KAT14: variants seen among roughly 807,000 people sequenced by gnomAD.
KAT14 encodes cysteine-rich protein 2-binding protein.
In KAT14, 66 loss-of-function variants were observed where a neutral mutation model predicts 78.4. The ratio of observed to expected loss-of-function variants is 0.84; its 90% confidence interval spans 0.69 to 1.03. The LOEUF (loss-of-function observed/expected upper bound fraction) is 1.03. KAT14 is among the 50% of genes least tolerant of loss of function. KAT14 has a pLI of 0.00. For synonymous variants in KAT14, 344 were observed against 359.4 expected, an observed-to-expected ratio of 0.96 and a Z score of 0.48; for missense variants, 870 against 972.5, an observed-to-expected ratio of 0.89 and a Z score of 1.40.
At position 18,150,879 on chromosome 20, in the gene KAT14, TC is replaced by T. The variant is rs1355817421; in HGVS notation, c.438del (p.Phe146LeufsTer19). The part of the protein sequence containing the change: ...SLEGSGRQGY[F>X]RWKEDICAFI... ...GAAGGAAGTGGACGTCAAGGTTATT[TC>T]AGGTGGAAAGAAGATATCTGTGCTT... On this transcript the variant is annotated frameshift_variant, in exon 4 of 11. Coordinates refer to ENST00000688188, the MANE Select transcript of KAT14 (RefSeq NM_001392073.1). LOFTEE classifies it high-confidence loss of function. 1.2e-6 allele frequency: 2 copies of T among 1,614,222 alleles called. No individual in the cohort carries two copies. Among genetic ancestry groups the T allele is most frequent in the Non-Finnish European group, 1.7e-6 (2 of 1,180,046 alleles).
intron 1 of KAT14, among the ~76,000 whole-genome samples, chr20:18,140,346 T>G (rs1461192713): frequency 6.6e-6 from 1 of 152,018 alleles, no homozygotes; most frequent in Non-Finnish European, 1.5e-5. Context: ...ATCCCGGGAC[T>G]CCTTCAAATC....
At chr20:18,150,417 T>C (rs955788604) in intron 3 of KAT14, among the ~76,000 whole-genome samples, 4 of 152,190 alleles carry the variant, frequency 2.6e-5, no homozygotes, top group Admixed American at 2.6e-4. Context: ...AAATGCTGGC[T>C]GGAGTAGGCA....
chr20:18,157,122 A>G (rs1331331515), intron 4 of KAT14, among the ~76,000 whole-genome samples: 1 of 152,228 alleles, frequency 6.6e-6, no homozygotes, highest in African/African-American at 2.4e-5. Context: ...GCCCATTTAT[A>G]GTCCCACTGT....
chr20:18,162,736 G>A lies in KAT14; in HGVS notation c.1459G>A (p.Ala487Thr). The A allele has an allele frequency of 6.2e-7, 1 of 1,614,216 alleles. No homozygotes were observed. Among genetic ancestry groups the A allele is most frequent in the Non-Finnish European group, 8.5e-7 (1 of 1,180,036 alleles). Residue 487 changes from alanine (A) to threonine (T), a missense_variant, in exon 7 of 11, where the codon GCT (alanine) becomes ACT (threonine). Transcript: ENST00000688188. The stretch of plus-strand genomic sequence containing the variant: ...CGGTGCTGTTGCCATGACTCCGGAA[G>A]CTCGGAGACTGAAACGCAAACTGAT... ...CPGAVAMTPE[A>T]RRLKRKLIVR... is the part of the protein sequence containing the mutation.
chr20:18,156,493 A>G (rs1054660597), intron 4 of KAT14, among the ~76,000 whole-genome samples: 3 of 152,206 alleles, frequency 2.0e-5, no homozygotes, highest in Non-Finnish European at 4.4e-5. Flanking sequence ...TCCATTCCAT[A>G]CAAATGTCTC....
intron 9 of KAT14, 69 bp from the exon 10 acceptor site, chr20:18,184,532 CT>C: frequency 7.4e-7 from 1 of 1,347,166 alleles, no homozygotes. Context: ...TATGTACATG[CT>C]GAACAGCTTG....
intron 7 of KAT14, among the ~76,000 whole-genome samples, chr20:18,165,407 T>A (rs887111332): frequency 6.6e-5 from 10 of 152,108 alleles, no homozygotes; most frequent in African/African-American, 2.4e-4. Context: ...TATCTGGAAA[T>A]AGGCCCTTTG....
intron 7 of KAT14, among the ~76,000 whole-genome samples, chr20:18,167,601 T>C (rs1030822605): frequency 3.3e-5 from 5 of 152,234 alleles, no homozygotes; most frequent in Admixed American, 6.5e-5. Flanking sequence ...GATGTGATTT[T>C]ATTTCCAATC....
chr20:18,163,348 T>C (rs1036636549), intron 7 of KAT14, among the ~76,000 whole-genome samples: 1 of 152,122 alleles, frequency 6.6e-6, no homozygotes, highest in African/African-American at 2.4e-5. Flanking sequence ...AAGGACAACA[T>C]GAAGAAATAG....
chr20:18,143,864 A>T lies in KAT14; in HGVS notation c.259+945A>T, dbSNP rs371954577. Among the ~76,000 whole-genome samples the T allele has an allele frequency of 3.9e-5, 6 of 152,126 alleles. No homozygotes were observed. The East Asian group carries it at 1.2e-3, about 29-fold the overall frequency. On this transcript the variant is annotated intron_variant, in intron 2 of 10. Transcript: ENST00000688188. ...AGGCTGGTCTCAAACTCCCAACCTC[A>T]GGTGATCCATCCGCCTCGGCCTCCC...
At position 18,159,335 on chromosome 20, in the gene KAT14, G is replaced by A. The variant is rs944560024; in HGVS notation, c.682+70G>A. The A allele has an allele frequency of 3.7e-5, 57 of 1,535,214 alleles. 1 individual carries two copies. The Admixed American group carries it at 7.0e-4, about 19-fold the overall frequency. On this transcript the variant is annotated intron_variant, in intron 5 of 10. Transcript: ENST00000688188. Reference sequence around the variant, plus strand: ...CCAAGCAGGTGTGAGCCCAGGAGACGCTCCTGCTTCCACTGGGCATGGCTC... The same window carrying A: ...CCAAGCAGGTGTGAGCCCAGGAGACACTCCTGCTTCCACTGGGCATGGCTC...
chr20:18,162,173 A>G lies in KAT14; in HGVS notation c.1033A>G (p.Thr345Ala), dbSNP rs1755601717. The G allele has an allele frequency of 6.2e-7, 1 of 1,614,120 alleles. No individual in the cohort carries two copies. Among genetic ancestry groups the G allele is most frequent in the South Asian group, 1.1e-5 (1 of 91,094 alleles). Residue 345 changes from threonine (T) to alanine (A), a missense_variant, in exon 6 of 11, where the codon ACA becomes GCA. By Grantham distance (58) the Thr-to-Ala change is moderately conservative. Coordinates refer to ENST00000688188, the MANE Select transcript of KAT14 (RefSeq NM_001392073.1). ...APGTPASHSA[T>A]PSLLSEADLI... ...TGGTACACCTGCCTCTCATTCTGCCACACCTAGCTTGCTTTCAGAAGCAGA... is the reference window on the plus strand; with the variant it reads ...TGGTACACCTGCCTCTCATTCTGCCGCACCTAGCTTGCTTTCAGAAGCAGA...
At position 18,162,637 on chromosome 20, in the gene KAT14, C is replaced by G; in HGVS notation, c.1360C>G (p.Pro454Ala). 2 of 1,614,164 alleles carry G rather than the reference C, an allele frequency of 1.2e-6. No homozygotes were observed. Among genetic ancestry groups the G allele is most frequent in the South Asian group, 2.2e-5 (2 of 91,086 alleles). The change falls in exon 7 of 11, where the codon CCG becomes GCG. Residue 454 changes from proline to alanine, a missense_variant. Pro to Ala is a conservative substitution (Grantham distance 27). Coordinates refer to ENST00000688188, the MANE Select transcript of KAT14 (RefSeq NM_001392073.1). Reference protein sequence around the residue: ...RKPQLEKDTKPKEPRYTPVSI... With the variant: ...RKPQLEKDTKAKEPRYTPVSI... ...GCCTCAGCTGGAGAAGGACACAAAGCCGAAAGAGCCCAGGTATACTCCCGT... is the reference window on the plus strand; with the variant it reads ...GCCTCAGCTGGAGAAGGACACAAAGGCGAAAGAGCCCAGGTATACTCCCGT...
intron 10 of KAT14, 70 bp from the exon 11 acceptor site, chr20:18,187,216 G>A (rs1176118678): frequency 9.9e-6 from 15 of 1,519,460 alleles, no homozygotes; most frequent in Admixed American, 4.8e-5. Context: ...ACTTAAAAGC[G>A]TTTCTTTACC....
chr20:18,144,491 C>A (rs1161455857), intron 2 of KAT14, among the ~76,000 whole-genome samples: 1 of 152,158 alleles, frequency 6.6e-6, no homozygotes, highest in Non-Finnish European at 1.5e-5. Flanking sequence ...CCTCCATTCT[C>A]CCTATACACA....
At chr20:18,176,755 T>C (rs1301938637) in intron 7 of KAT14, among the ~76,000 whole-genome samples, 1 of 151,566 alleles carries the variant, frequency 6.6e-6, no homozygotes, top group African/African-American at 2.4e-5. Context: ...CTACAGGTCA[T>C]AAGTAAGGAG....
At chr20:18,144,224 G>C (rs1316707062) in intron 2 of KAT14, among the ~76,000 whole-genome samples, 1 of 152,230 alleles carries the variant, frequency 6.6e-6, no homozygotes, top group East Asian at 1.9e-4. Flanking sequence ...AGGAAATGCA[G>C]AATTTACTAG....
chr20:18,159,898 A>G (rs1280217675), intron 5 of KAT14, among the ~76,000 whole-genome samples: 1 of 152,132 alleles, frequency 6.6e-6, no homozygotes, highest in African/African-American at 2.4e-5. Context: ...TTAAATTTTT[A>G]TATTTATTTG....
rs765210287 is a variant in KAT14, at chr20:18,162,364, G to C, written c.1100-13G>C. 6.2e-7 allele frequency: 1 copy of C among 1,607,978 alleles called. No homozygotes were observed. Among genetic ancestry groups the C allele is most frequent in the South Asian group, 1.1e-5 (1 of 89,966 alleles). On this transcript the variant is annotated splice_polypyrimidine_tract_variant and intron_variant, in intron 6 of 10. Coordinates refer to ENST00000688188, the MANE Select transcript of KAT14 (RefSeq NM_001392073.1). ...TCCTATGTCTTGATGACACTGTTTT[G>C]TACTCTGCACAGATGACGATGAGAT...
Sources: allele counts gnomAD v4.1 joint callset (sites outside exome capture counted in the v4.1 genomes callset), GRCh38; gene constraint gnomAD v4.1.1; transcripts MANE v1.5; gene names NCBI Gene and HGNC (gene_info 2026-07-23, HGNC 2026-07-21).